HS2ST1: variants seen among roughly 807,000 people sequenced by gnomAD.
The protein encoded by HS2ST1 is heparan sulfate 2-O-sulfotransferase 1, also known as 2-O-sulfotransferase.
In HS2ST1, 18 loss-of-function variants were observed where a neutral mutation model predicts 42.9. That is an observed-to-expected ratio of 0.42 (90% CI 0.29 to 0.62). The LOEUF is 0.62. Among genes scored for constraint, HS2ST1 ranks in the 20% least tolerant of loss-of-function variants. The pLI, the probability that HS2ST1 is intolerant of heterozygous loss-of-function variation, is 0.21. For synonymous variants in HS2ST1, 146 were observed against 152.9 expected (o/e 0.95, Z 0.33); for missense variants, 334 against 433.8 (o/e 0.77, Z 2.04).
At chr1:86,971,091 C>T (rs943160425) in intron 1 of HS2ST1, among the ~76,000 whole-genome samples, 9 of 152,202 alleles carry the variant, frequency 5.9e-5, no homozygotes, top group Admixed American at 1.3e-4. Flanking sequence ...TTAGTTCATT[C>T]AGTCAGCAAG....
intron 1 of HS2ST1, among the ~76,000 whole-genome samples, chr1:86,918,514 T>C (rs775080596): frequency 6.6e-6 from 1 of 151,972 alleles, no homozygotes; most frequent in Non-Finnish European, 1.5e-5. Flanking sequence ...TTTTTTTGAG[T>C]GTTTCTTTTC....
chr1:87,044,630 T>A (rs1193791884), intron 1 of HS2ST1, among the ~76,000 whole-genome samples: 1 of 152,218 alleles, frequency 6.6e-6, no homozygotes, highest in African/African-American at 2.4e-5. Context: ...TTTGAAACTG[T>A]TAATGATACC....
intron 1 of HS2ST1, among the ~76,000 whole-genome samples, chr1:87,031,284 C>T (rs1381646520): frequency 6.6e-6 from 1 of 152,114 alleles, no homozygotes; most frequent in African/African-American, 2.4e-5. Flanking sequence ...GGCCTATATC[C>T]GTGGAAATAC....
chr1:87,059,545 A>G (rs971486675), intron 1 of HS2ST1, among the ~76,000 whole-genome samples: 6 of 152,234 alleles, frequency 3.9e-5, no homozygotes, highest in African/African-American at 1.4e-4. Context: ...AAGGAAAAGC[A>G]TGTATAGTTG....
At chr1:87,044,441 A>C (rs1052887250) in intron 1 of HS2ST1, among the ~76,000 whole-genome samples, 14 of 152,208 alleles carry the variant, frequency 9.2e-5, no homozygotes, top group African/African-American at 3.4e-4. Flanking sequence ...ATTGTTTTAC[A>C]TTAATATACA....
At chr1:87,084,706 C>T (rs893403593) in intron 3 of HS2ST1, among the ~76,000 whole-genome samples, 2 of 152,052 alleles carry the variant, frequency 1.3e-5, no homozygotes, top group Admixed American at 1.3e-4. Context: ...CTTGGGCTAC[C>T]TTATTTTAGC....
At chr1:86,950,856 T>A (rs1359367097) in intron 1 of HS2ST1, among the ~76,000 whole-genome samples, 2 of 152,152 alleles carry the variant, frequency 1.3e-5, no homozygotes, top group African/African-American at 2.4e-5. Context: ...GTAAAAGAAA[T>A]GACCTCTTTA....
chr1:87,072,942 A>G lies in HS2ST1; in HGVS notation c.133A>G (p.Ile45Val), dbSNP rs147264643. Residue 45 changes from isoleucine to valine, a missense_variant, in exon 2 of 7, where the codon ATT (isoleucine) becomes GTT (valine). By Grantham distance (29) the Ile-to-Val change is conservative. Transcript: ENST00000370550. The part of the protein sequence containing the change: ...EESRSKLERA[I>V]ARHEVREIEQ... ...TCTGTTTTTCTTTCCAGAAAGGGCT[A>G]TTGCAAGACACGAAGTCCGAGAAAT... 1.3e-4 allele frequency: 215 copies of G among 1,613,546 alleles called. 1 individual carries two copies. In the African/African-American group the frequency reaches 2.5e-3, roughly 19 times the overall value.
chr1:86,987,988 TGA>T lies in HS2ST1; in HGVS notation c.124+72835_124+72836del, dbSNP rs377141501. On this transcript the variant is annotated intron_variant, in intron 1 of 6. Coordinates refer to ENST00000370550, the MANE Select transcript of HS2ST1 (RefSeq NM_012262.4). ...TCAATTACAATTCATATGTCCAGGA[TGA>T]GAGAGACTCCTCGTCCATGCTGATC... 1.1e-3 allele frequency among the ~76,000 whole-genome samples: 172 copies of T among 152,348 alleles called. 3 individuals are homozygous for T. In the South Asian group the frequency reaches 0.021, roughly 19 times the overall value.
At chr1:87,037,410 CAATA>C (rs896028605) in intron 1 of HS2ST1, among the ~76,000 whole-genome samples, 5 of 151,522 alleles carry the variant, frequency 3.3e-5, no homozygotes, top group Admixed American at 2.0e-4. Flanking sequence ...TTATATGGCC[CAATA>C]AATCTGTACA....
intron 1 of HS2ST1, among the ~76,000 whole-genome samples, chr1:86,915,697 T>C (rs1660136985): frequency 6.6e-6 from 1 of 152,196 alleles, no homozygotes. Context: ...GTTGCACTCT[T>C]GTGCTCCGGG....
At chr1:86,972,596 T>G (rs1355850985) in intron 1 of HS2ST1, among the ~76,000 whole-genome samples, 1 of 152,200 alleles carries the variant, frequency 6.6e-6, no homozygotes, top group African/African-American at 2.4e-5. Flanking sequence ...AGGATAAAAC[T>G]TAGTACATAT....
chr1:87,032,304 A>G (rs1650259381), intron 1 of HS2ST1, among the ~76,000 whole-genome samples: 1 of 152,162 alleles, frequency 6.6e-6, no homozygotes, highest in South Asian at 2.1e-4. Flanking sequence ...ATTTTTGAAG[A>G]CAGTAGTATT....
intron 1 of HS2ST1, among the ~76,000 whole-genome samples, chr1:86,964,122 C>G (rs548204094): frequency 6.6e-6 from 1 of 151,946 alleles, no homozygotes; most frequent in South Asian, 2.1e-4. Context: ...CGATGGGCAG[C>G]CGGGCAGAGA....
intron 2 of HS2ST1, among the ~76,000 whole-genome samples, chr1:87,078,498 C>A (rs1210720068): frequency 6.6e-6 from 1 of 152,196 alleles, no homozygotes; most frequent in Non-Finnish European, 1.5e-5. Context: ...CTGACTACTA[C>A]ATCTGAAACA....
intron 1 of HS2ST1, among the ~76,000 whole-genome samples, chr1:86,962,692 A>C (rs891636078): frequency 6.6e-6 from 1 of 152,102 alleles, no homozygotes; most frequent in African/African-American, 2.4e-5. Context: ...CAACAACAAC[A>C]AAACAAAACT....
intron 1 of HS2ST1, among the ~76,000 whole-genome samples, chr1:86,992,395 C>T (rs574601489): frequency 4.0e-5 from 6 of 149,924 alleles, no homozygotes; most frequent in South Asian, 4.2e-4. Context: ...GATGGAGTTT[C>T]GCTCTTGCTG....
intron 1 of HS2ST1, among the ~76,000 whole-genome samples, chr1:86,921,016 T>G (rs1660281011): frequency 6.6e-6 from 1 of 152,252 alleles, no homozygotes; most frequent in Admixed American, 6.5e-5. Context: ...TTAGCTTGAT[T>G]TAGCCATCCA....
intron 1 of HS2ST1, among the ~76,000 whole-genome samples, chr1:86,967,837 A>T (rs775047013): frequency 1.3e-5 from 2 of 152,190 alleles, no homozygotes; most frequent in Admixed American, 6.5e-5. Flanking sequence ...GCTGGATTGA[A>T]TGGTAGACCT....
Sources: gnomAD v4.1 joint callset for allele counts (sites outside exome capture counted in the v4.1 genomes callset) on GRCh38, gnomAD v4.1.1 for gene constraint, MANE v1.5 for transcripts, NCBI Gene and HGNC (gene_info 2026-07-23, HGNC 2026-07-21) for gene names.